The following FAM171A1 variants were observed in gnomAD, a reference collection of about 807,000 sequenced individuals.
The protein encoded by FAM171A1 is family with sequence similarity 171 member A1, also known as protein FAM171A1.
A neutral mutation model predicts 74.9 loss-of-function variants in FAM171A1; 23 were observed. That is an observed-to-expected ratio of 0.31 (90% CI 0.22 to 0.44). The LOEUF is 0.44. Ranked by LOEUF, FAM171A1 falls within the 20% of genes least tolerant of loss-of-function variation. FAM171A1 has a pLI of 1.00. For synonymous variants in FAM171A1, 527 were observed against 505.7 expected, an observed-to-expected ratio of 1.04 and a Z score of -0.57; for missense variants, 1,162 against 1,159.2, an observed-to-expected ratio of 1.00 and a Z score of -0.03.
At chr10:15,270,621 C>A (rs1403292743) in intron 3 of FAM171A1, among the ~76,000 whole-genome samples, 1 of 152,202 alleles carries the variant, frequency 6.6e-6, no homozygotes, top group African/African-American at 2.4e-5. Flanking sequence ...CTGGGAGACA[C>A]CTCCCAGTAG....
chr10:15,225,829 C>T (rs1588497557), intron 5 of FAM171A1, among the ~76,000 whole-genome samples: 1 of 152,166 alleles, frequency 6.6e-6, no homozygotes, highest in Admixed American at 6.5e-5. Context: ...CCTCTCAAGT[C>T]GGCCCACCTG....
intron 5 of FAM171A1, among the ~76,000 whole-genome samples, chr10:15,235,035 C>A (rs986080624): frequency 6.6e-6 from 1 of 151,970 alleles, no homozygotes; most frequent in Non-Finnish European, 1.5e-5. Context: ...CTATGCCGGG[C>A]GTGGTGTCTC....
Position 15,343,036 on chromosome 10 carries a change from C to T in FAM171A1, c.97+27920G>A, listed in dbSNP as rs374261678. On this transcript the variant is annotated intron_variant, in intron 1 of 7. Transcript: ENST00000378116. ...CAAGAGGCTGCAGCCGAGTGGGTCCCCAGCCTGGCTGAATACTACAATCAC... is the reference window on the plus strand; with the variant it reads ...CAAGAGGCTGCAGCCGAGTGGGTCCTCAGCCTGGCTGAATACTACAATCAC... 1.2e-4 allele frequency among the ~76,000 whole-genome samples: 19 copies of T among 152,298 alleles called. No homozygotes were observed. In the East Asian group the frequency reaches 3.7e-3, roughly 29 times the overall value.
intron 1 of FAM171A1, among the ~76,000 whole-genome samples, chr10:15,310,229 T>TA (rs1835344505): frequency 6.6e-6 from 1 of 152,196 alleles, no homozygotes; most frequent in South Asian, 2.1e-4. Context: ...AAAAATTTTT[T>TA]AAAATCCCTA....
At chr10:15,235,388 C>T (rs573651505) in intron 5 of FAM171A1, among the ~76,000 whole-genome samples, 242 of 151,394 alleles carry the variant, frequency 1.6e-3, no homozygotes, top group South Asian at 6.7e-3. Context: ...ACCCAATTCT[C>T]CTGCCTCAAT....
At chr10:15,347,041 G>T (rs1192091381) in intron 1 of FAM171A1, among the ~76,000 whole-genome samples, 2 of 152,178 alleles carry the variant, frequency 1.3e-5, no homozygotes, top group African/African-American at 2.4e-5. Context: ...ATCTCAGGAA[G>T]ACCTAGACAT....
chr10:15,244,262 C>T (rs957907592), intron 5 of FAM171A1, among the ~76,000 whole-genome samples: 1 of 152,060 alleles, frequency 6.6e-6, no homozygotes, highest in African/African-American at 2.4e-5. Flanking sequence ...GGCTGAGGCA[C>T]TAGAATCACT....
intron 1 of FAM171A1, among the ~76,000 whole-genome samples, chr10:15,349,491 G>A (rs1835853996): frequency 6.6e-6 from 1 of 152,076 alleles, no homozygotes; most frequent in South Asian, 2.1e-4. Flanking sequence ...AATATTAAAG[G>A]AACCTCCAAG....
intron 3 of FAM171A1, among the ~76,000 whole-genome samples, chr10:15,269,234 C>T (rs1451285087): frequency 6.6e-6 from 1 of 152,092 alleles, no homozygotes; most frequent in African/African-American, 2.4e-5. Flanking sequence ...CTGTCTCAGT[C>T]TCCTGAGTAG....
intron 1 of FAM171A1, among the ~76,000 whole-genome samples, chr10:15,292,996 A>G (rs1018883982): frequency 6.6e-6 from 1 of 152,166 alleles, no homozygotes; most frequent in Non-Finnish European, 1.5e-5. Context: ...AATTTCTGAT[A>G]TTCTCCTGCT....
At chr10:15,349,789 C>A (rs910233026) in intron 1 of FAM171A1, among the ~76,000 whole-genome samples, 19 of 152,076 alleles carry the variant, frequency 1.2e-4, no homozygotes, top group African/African-American at 4.3e-4. Context: ...CTTTTGGTTG[C>A]TGTGATGTGG....
intron 2 of FAM171A1, among the ~76,000 whole-genome samples, chr10:15,279,804 G>T (rs1176033295): frequency 6.6e-6 from 1 of 152,164 alleles, no homozygotes; most frequent in Non-Finnish European, 1.5e-5. Context: ...TGCAGTTCCA[G>T]CTACTCGGGA....
At chr10:15,258,315 C>T (rs926055164) in intron 3 of FAM171A1, among the ~76,000 whole-genome samples, 1 of 117,006 alleles carries the variant, frequency 8.5e-6, no homozygotes, top group Non-Finnish European at 1.9e-5. Flanking sequence ...CCTGCCTCAG[C>T]CTCCCAACTC....
intron 1 of FAM171A1, among the ~76,000 whole-genome samples, chr10:15,299,697 G>A (rs1224575609): frequency 1.3e-5 from 2 of 151,946 alleles, no homozygotes; most frequent in Non-Finnish European, 2.9e-5. Flanking sequence ...AAAAAAAAAT[G>A]GGCCGGGTGC....
chr10:15,221,269 T>C (rs1588494982), intron 5 of FAM171A1, among the ~76,000 whole-genome samples: 1 of 152,258 alleles, frequency 6.6e-6, no homozygotes, highest in Non-Finnish European at 1.5e-5. Context: ...TAAGCAACTT[T>C]AGTGTTCCTT....
chr10:15,283,790 G>T (rs1834999488), intron 2 of FAM171A1, 88 bp downstream of exon 2: 2 of 1,317,684 alleles, frequency 1.5e-6, no homozygotes, highest in Non-Finnish European at 2.2e-6. Context: ...TCACTATGTT[G>T]CCCAAGCTGG....
chr10:15,309,168 C>T (rs1439009552), intron 1 of FAM171A1, among the ~76,000 whole-genome samples: 1 of 152,128 alleles, frequency 6.6e-6, no homozygotes, highest in African/African-American at 2.4e-5. Flanking sequence ...TAAACATGAA[C>T]TTAAATGTAA....
At chr10:15,315,684 T>A (rs1835413861) in intron 1 of FAM171A1, among the ~76,000 whole-genome samples, 1 of 152,170 alleles carries the variant, frequency 6.6e-6, no homozygotes, top group South Asian at 2.1e-4. Flanking sequence ...GAGACCTTGA[T>A]CATGCTAGAA....
intron 1 of FAM171A1, among the ~76,000 whole-genome samples, chr10:15,368,947 TTCCTGGGCTCAAGGCTTTAAAAAGCCA>T (rs1462559613): frequency 6.6e-6 from 1 of 151,964 alleles, no homozygotes; most frequent in Non-Finnish European, 1.5e-5. Flanking sequence ...TCTGAAAGAG[TTCCTGGGCTCAAGGCTTTAAAAAGCCA>T]TCCTTACAGT....
Sources: allele counts gnomAD v4.1 joint callset (sites outside exome capture counted in the v4.1 genomes callset), GRCh38; gene constraint gnomAD v4.1.1; transcripts MANE v1.5; gene names NCBI Gene and HGNC (gene_info 2026-07-23, HGNC 2026-07-21).